The following ZBTB16 variants were observed in gnomAD, a reference collection of about 807,000 sequenced individuals.
The protein encoded by ZBTB16 is zinc finger and BTB domain containing 16, also known as zinc finger and BTB domain-containing protein 16.
A neutral mutation model predicts 56.8 loss-of-function variants in ZBTB16; 8 were observed. The ratio of observed to expected loss-of-function variants is 0.14; its 90% CI spans 0.08 to 0.25. ZBTB16 has a LOEUF of 0.25. ZBTB16 is among the 10% of genes least tolerant of loss of function. The probability of loss-of-function intolerance (pLI) is 1.00; values close to 1 mark genes in which losing one functional copy is unlikely to be tolerated. For missense variants in ZBTB16, 625 were observed against 903.0 expected, an observed-to-expected ratio of 0.69 and a Z score of 3.95; for synonymous variants, 363 against 368.5, an observed-to-expected ratio of 0.98 and a Z score of 0.17.
chr11:114,184,644 T>C (rs930645273), intron 3 of ZBTB16, among the ~76,000 whole-genome samples: 2 of 152,218 alleles, frequency 1.3e-5, no homozygotes, highest in African/African-American at 4.8e-5. Context: ...TTAACCTCTC[T>C]GAGCTTGAAT....
intron 4 of ZBTB16, among the ~76,000 whole-genome samples, chr11:114,235,655 T>TTTCC: frequency 4.3e-5 from 1 of 23,222 alleles, no homozygotes; most frequent in Non-Finnish European, 1.2e-4. Context: ...TCTTTCTTTC[T>TTTCC]TTCTTTCTTT....
intron 2 of ZBTB16, among the ~76,000 whole-genome samples, chr11:114,150,947 G>A (rs1942264494): frequency 6.6e-6 from 1 of 152,248 alleles, no homozygotes; most frequent in African/African-American, 2.4e-5. Flanking sequence ...GACAGGACCA[G>A]GAAGTTTGCA....
At chr11:114,066,215 C>A (rs1006073142) in intron 2 of ZBTB16, among the ~76,000 whole-genome samples, 4 of 152,188 alleles carry the variant, frequency 2.6e-5, no homozygotes, top group African/African-American at 7.2e-5. Context: ...GGAAGTTGAT[C>A]TCATCACCCC....
At chr11:114,147,669 A>G (rs1246332078) in intron 2 of ZBTB16, among the ~76,000 whole-genome samples, 2 of 152,182 alleles carry the variant, frequency 1.3e-5, no homozygotes, top group Non-Finnish European at 2.9e-5. Context: ...TAAAAGCACA[A>G]CTTTTCTGGT....
intron 3 of ZBTB16, among the ~76,000 whole-genome samples, chr11:114,161,107 C>G (rs1942577270): frequency 6.6e-6 from 1 of 152,180 alleles, no homozygotes; most frequent in Non-Finnish European, 1.5e-5. Flanking sequence ...AGAAGTGATT[C>G]CTAGCTCTGA....
intron 2 of ZBTB16, among the ~76,000 whole-genome samples, chr11:114,155,470 TGGGA>T (rs1238591855): frequency 2.6e-5 from 4 of 151,478 alleles, no homozygotes; most frequent in African/African-American, 9.8e-5. Flanking sequence ...GGTTGGGGGT[TGGGA>T]GTTGGGATGG....
intron 2 of ZBTB16, among the ~76,000 whole-genome samples, chr11:114,146,756 C>T (rs759087536): frequency 2.0e-5 from 3 of 150,226 alleles, no homozygotes; most frequent in Admixed American, 6.7e-5. Context: ...GGCTGAGGCA[C>T]GAGAATCGCC....
At chr11:114,117,351 T>C (rs1465845367) in intron 2 of ZBTB16, among the ~76,000 whole-genome samples, 5 of 152,060 alleles carry the variant, frequency 3.3e-5, no homozygotes, top group Admixed American at 6.5e-5. Context: ...AGTGAAATAA[T>C]AGGAATTATG....
intron 4 of ZBTB16, chr11:114,210,002 C>T: frequency 1.0e-6 from 1 of 975,158 alleles, no homozygotes; most frequent in Non-Finnish European, 1.2e-6. Context: ...GTTGCTTGTC[C>T]TTTCAGAAGC....
rs114363896 is a variant in ZBTB16, at chr11:114,160,374, C to T, written c.1366+3940C>T. On this transcript the variant is annotated intron_variant, in intron 3 of 6. Coordinates refer to ENST00000335953, the MANE Select transcript of ZBTB16 (RefSeq NM_006006.6). ...AGAGATGTCATTTCTGAAAGGCAGACGGAGCTCCGGCTTGTTCTTCCTTCG... is the reference window on the plus strand; with the variant it reads ...AGAGATGTCATTTCTGAAAGGCAGATGGAGCTCCGGCTTGTTCTTCCTTCG... 3.0e-3 allele frequency among the ~76,000 whole-genome samples: 463 copies of T among 152,278 alleles called. 3 individuals are homozygous for T. Among genetic ancestry groups the T allele is most frequent in the African/African-American group, 0.011 (437 of 41,556 alleles).
chr11:114,129,691 A>G (rs558624242), intron 2 of ZBTB16, among the ~76,000 whole-genome samples: 5 of 152,270 alleles, frequency 3.3e-5, no homozygotes, highest in Non-Finnish European at 7.3e-5. Context: ...AAAAATAGTT[A>G]GCATTTTAAA....
At position 114,075,627 on chromosome 11, in the gene ZBTB16, T is replaced by TTA. The variant is rs1939528655; in HGVS notation, c.1268+11060_1268+11061insAT. Among the ~76,000 whole-genome samples the TTA allele has an allele frequency of 4.5e-5, 3 of 67,116 alleles. 1 individual carries two copies. Among genetic ancestry groups the TTA allele is most frequent in the Non-Finnish European group, 8.6e-5 (3 of 34,928 alleles). 44.0% of individuals were successfully genotyped at this position (67,116 alleles called of 152,430 possible). ...GTGCACCACCACACCTGGCTAATTT[T>TTA]TGTATATATATATATATATATTTAG... On this transcript the variant is annotated intron_variant, in intron 2 of 6. Coordinates refer to ENST00000335953, the MANE Select transcript of ZBTB16 (RefSeq NM_006006.6).
Position 114,063,813 on chromosome 11 carries a change from G to A in ZBTB16, c.513G>A (p.Val171=), listed in dbSNP as rs942974717. 2.1e-5 allele frequency: 34 copies of A among 1,614,044 alleles called. No individual in the cohort carries two copies. The highest frequency in any genetic ancestry group is 2.7e-5 in the Non-Finnish European group (32 of 1,180,046). Residue 171 remains valine, a synonymous_variant, in exon 2 of 7, where the codon GTG becomes GTA. Coordinates refer to ENST00000335953, the MANE Select transcript of ZBTB16 (RefSeq NM_006006.6). This position sits in a 1 kb window ranked among gnomAD's most constrained non-coding sequence, Gnocchi z 6.5. ...GCGAGGAGAGTGGGTATGCCAGTGT[G>A]GCTGGACAGAGCCTCCCTGGGCCCA... ...HSSEESGYAS[V]AGQSLPGPMV...
At position 114,129,046 on chromosome 11, in the gene ZBTB16, C is replaced by A. The variant is rs557928495; in HGVS notation, c.1269-27291C>A. On this transcript the variant is annotated intron_variant, in intron 2 of 6. Coordinates refer to ENST00000335953, the MANE Select transcript of ZBTB16 (RefSeq NM_006006.6). ...TTCAGGTGCCCAGAATCTGTTTGGC[C>A]ACTTTCATCTGGGTCTGCGTGGGTG... 1.6e-3 allele frequency among the ~76,000 whole-genome samples: 241 copies of A among 152,310 alleles called. 1 individual carries two copies. The highest frequency in any genetic ancestry group is 5.3e-3 in the African/African-American group (220 of 41,560).
intron 4 of ZBTB16, 118 bp from the exon 5 acceptor site, chr11:114,242,049 C>T (rs1944717524): frequency 4.4e-6 from 6 of 1,370,690 alleles, no homozygotes; most frequent in African/African-American, 4.3e-5. Context: ...TCTGGATTTG[C>T]CCCTGAGCAT....
At chr11:114,130,265 G>GAA (rs1419616595) in intron 2 of ZBTB16, among the ~76,000 whole-genome samples, 1 of 152,164 alleles carries the variant, frequency 6.6e-6, no homozygotes, top group East Asian at 1.9e-4. Context: ...GTATCCCTCT[G>GAA]GACTCCGCCA....
chr11:114,249,771 CAAAAA>C (rs55732116), intron 6 of ZBTB16, among the ~76,000 whole-genome samples: 6 of 59,322 alleles, frequency 1.0e-4, no homozygotes, highest in Admixed American at 7.2e-4. Flanking sequence ...GACTCCGTCT[CAAAAA>C]AAAAAAAAAA....
At chr11:114,090,800 A>G (rs1940156302) in intron 2 of ZBTB16, among the ~76,000 whole-genome samples, 1 of 152,222 alleles carries the variant, frequency 6.6e-6, no homozygotes, top group Non-Finnish European at 1.5e-5. Context: ...CCTGGAAGAC[A>G]CTAATATCCC....
rs1940322824 is a variant in ZBTB16, at chr11:114,094,892, T to C, written c.1268+30324T>C. Among the ~76,000 whole-genome samples, 2 of 152,248 alleles carry C rather than the reference T, an allele frequency of 1.3e-5. 1 individual carries two copies. Among genetic ancestry groups the C allele is most frequent in the South Asian group, 4.1e-4 (2 of 4,836 alleles). ...AAAGGCCAAGGCCTCTGGGATCAGT[T>C]TCACTGATCCTTCAACCAGCTTATG... On this transcript the variant is annotated intron_variant, in intron 2 of 6. Coordinates refer to ENST00000335953, the MANE Select transcript of ZBTB16 (RefSeq NM_006006.6).
Sources: gnomAD v4.1 joint callset for allele counts (sites outside exome capture counted in the v4.1 genomes callset) on GRCh38, gnomAD v4.1.1 for gene constraint, Gnocchi (gnomAD v3.1) non-coding constraint, MANE v1.5 for transcripts, NCBI Gene and HGNC (gene_info 2026-07-23, HGNC 2026-07-21) for gene names.